MAGI2: variants seen among roughly 807,000 people sequenced by gnomAD.
MAGI2 encodes membrane associated guanylate kinase, WW and PDZ domain containing 2.
A neutral mutation model predicts 133.3 loss-of-function variants in MAGI2; 35 were observed. The observed-to-expected ratio is 0.26, with a 90% confidence interval of 0.20 to 0.35. The LOEUF (loss-of-function observed/expected upper bound fraction) is 0.35. Ranked by LOEUF, MAGI2 falls within the 10% of genes least tolerant of loss-of-function variation. The probability of loss-of-function intolerance (pLI) is 1.00; values close to 1 mark genes in which losing one functional copy is unlikely to be tolerated. For synonymous variants in MAGI2, 729 were observed against 710.6 expected (o/e 1.03, Z -0.41); for missense variants, 1,636 against 1,863.4 (o/e 0.88, Z 2.25).
chr7:78,405,069 T>C (rs1797255103), intron 6 of MAGI2, among the ~76,000 whole-genome samples: 1 of 152,172 alleles, frequency 6.6e-6, no homozygotes, highest in Non-Finnish European at 1.5e-5. Context: ...TCTAAGGAAC[T>C]GCTTCCCACC....
At chr7:78,653,367 A>G (rs980708491) in intron 2 of MAGI2, among the ~76,000 whole-genome samples, 12 of 152,312 alleles carry the variant, frequency 7.9e-5, no homozygotes, top group African/African-American at 2.9e-4. Context: ...TCACAATAGC[A>G]AAGACTTGGA....
intron 1 of MAGI2, among the ~76,000 whole-genome samples, chr7:79,156,431 C>T (rs116971922): frequency 1.3e-4 from 20 of 152,156 alleles, no homozygotes; most frequent in Non-Finnish European, 2.5e-4. Context: ...GAATAGGAAA[C>T]CTTTGTCACC....
intron 21 of MAGI2, among the ~76,000 whole-genome samples, chr7:78,061,441 C>T (rs1024936038): frequency 3.1e-5 from 4 of 130,892 alleles, no homozygotes; most frequent in South Asian, 2.6e-4. Flanking sequence ...CACACACACA[C>T]ACACACACAC....
chr7:79,451,406 C>T (rs1479056542), intron 1 of MAGI2, among the ~76,000 whole-genome samples: 3 of 152,190 alleles, frequency 2.0e-5, no homozygotes, highest in African/African-American at 7.2e-5. Context: ...AACATGTTAA[C>T]ATGAATCTCT....
chr7:78,604,747 A>G (rs1191504199), intron 3 of MAGI2, among the ~76,000 whole-genome samples: 5 of 152,256 alleles, frequency 3.3e-5, no homozygotes, highest in African/African-American at 9.6e-5. Flanking sequence ...CTCTGTTTCA[A>G]TATATTGTTG....
intron 2 of MAGI2, among the ~76,000 whole-genome samples, chr7:78,936,916 A>C (rs1471095617): frequency 2.6e-5 from 4 of 152,084 alleles, no homozygotes; most frequent in Non-Finnish European, 5.9e-5. Context: ...TTGAGTATAC[A>C]TACATCTATT....
At position 78,995,217 on chromosome 7, in the gene MAGI2, C is replaced by T. The variant is rs553356452; in HGVS notation, c.418+11873G>A. On this transcript the variant is annotated intron_variant, in intron 2 of 21. Coordinates refer to ENST00000354212, the MANE Select transcript of MAGI2 (RefSeq NM_012301.4). Reference sequence around the variant, plus strand: ...TCTCATAACGTCTTAAAAGAGTTTACAAGTTTGTGTTGGGCTGCATCAAAG... The same window carrying T: ...TCTCATAACGTCTTAAAAGAGTTTATAAGTTTGTGTTGGGCTGCATCAAAG... 1.4e-4 allele frequency among the ~76,000 whole-genome samples: 22 copies of T among 151,742 alleles called. No individual in the cohort carries two copies. In the South Asian group the frequency reaches 4.2e-3, roughly 29 times the overall value.
chr7:78,466,996 C>T (rs1000527888), intron 6 of MAGI2, among the ~76,000 whole-genome samples: 2 of 152,112 alleles, frequency 1.3e-5, no homozygotes, highest in African/African-American at 4.8e-5. Flanking sequence ...ACAGAATAAG[C>T]AAGTGGCGTT....
intron 1 of MAGI2, chr7:79,413,564 T>G (rs1306358192): frequency 2.0e-5 from 3 of 152,208 alleles, no homozygotes; most frequent in African/African-American, 7.2e-5. Context: ...ACCACTCCTT[T>G]AATTATACCT....
chr7:79,113,517 G>A (rs890675958), intron 1 of MAGI2, among the ~76,000 whole-genome samples: 1 of 152,202 alleles, frequency 6.6e-6, no homozygotes, highest in Non-Finnish European at 1.5e-5. Flanking sequence ...CAGATGCAAA[G>A]TGATCAGTCA....
chr7:79,259,047 C>T (rs754225059), intron 1 of MAGI2, among the ~76,000 whole-genome samples: 42 of 152,144 alleles, frequency 2.8e-4, no homozygotes, highest in Non-Finnish European at 5.1e-4. Flanking sequence ...TATTTCTGTA[C>T]GTGGTTACAA....
intron 2 of MAGI2, among the ~76,000 whole-genome samples, chr7:78,682,965 G>T (rs990439693): frequency 1.3e-5 from 2 of 152,102 alleles, no homozygotes; most frequent in South Asian, 4.1e-4. Context: ...ATCTTTTGTG[G>T]CTCTGTATAA....
At chr7:78,769,813 G>A (rs1433393277) in intron 2 of MAGI2, among the ~76,000 whole-genome samples, 1 of 152,096 alleles carries the variant, frequency 6.6e-6, no homozygotes, top group Non-Finnish European at 1.5e-5. Flanking sequence ...CCTCAGCTCC[G>A]AGCATCTTCT....
chr7:79,205,307 A>C (rs1216273182), intron 1 of MAGI2, among the ~76,000 whole-genome samples: 2 of 152,036 alleles, frequency 1.3e-5, no homozygotes, highest in Non-Finnish European at 2.9e-5. Flanking sequence ...CTCACAGACC[A>C]GGAGAAAGTG....
At chr7:79,292,915 T>G (rs950849098) in intron 1 of MAGI2, among the ~76,000 whole-genome samples, 1 of 151,942 alleles carries the variant, frequency 6.6e-6, no homozygotes, top group Non-Finnish European at 1.5e-5. Flanking sequence ...CTGCCACTGC[T>G]GGGTGTTGCT....
chr7:79,360,958 G>A (rs560939132), intron 1 of MAGI2, among the ~76,000 whole-genome samples: 1 of 152,146 alleles, frequency 6.6e-6, no homozygotes, highest in African/African-American at 2.4e-5. Context: ...TCAACTATAT[G>A]CTGCTTACAA....
intron 2 of MAGI2, among the ~76,000 whole-genome samples, chr7:78,853,603 G>A (rs1306684053): frequency 6.6e-6 from 1 of 151,724 alleles, no homozygotes; most frequent in Non-Finnish European, 1.5e-5. Flanking sequence ...CAATTCTCCT[G>A]CCTCGACCTC....
intron 9 of MAGI2, among the ~76,000 whole-genome samples, chr7:78,269,042 T>A (rs1794304778): frequency 6.6e-6 from 1 of 152,186 alleles, no homozygotes; most frequent in Non-Finnish European, 1.5e-5. Context: ...GGTGTTTCGT[T>A]TTCTGTTCTT....
At chr7:79,170,859 TA>T (rs1825470530) in intron 1 of MAGI2, among the ~76,000 whole-genome samples, 1 of 152,110 alleles carries the variant, frequency 6.6e-6, no homozygotes, top group Admixed American at 6.6e-5. Context: ...GAGTTTTACT[TA>T]AAATGAGAAT....
Sources: gnomAD v4.1 joint callset for allele counts (sites outside exome capture counted in the v4.1 genomes callset) on GRCh38, gnomAD v4.1.1 for gene constraint, MANE v1.5 for transcripts, NCBI Gene and HGNC (gene_info 2026-07-23, HGNC 2026-07-21) for gene names.